The following PDK1 variants were observed in gnomAD, a reference collection of about 807,000 sequenced individuals.
PDK1 encodes the protein pyruvate dehydrogenase kinase 1.
A neutral mutation model predicts 54.2 loss-of-function variants in PDK1; 39 were observed. The observed-to-expected ratio is 0.72, with a 90% CI of 0.56 to 0.94. The LOEUF is 0.94. Ranked by LOEUF, PDK1 falls within the 40% of genes least tolerant of loss-of-function variation. The probability of loss-of-function intolerance (pLI) is 0.00; values close to 1 mark genes in which losing one functional copy is unlikely to be tolerated. For synonymous variants in PDK1, 221 were observed against 207.1 expected (o/e 1.07, Z -0.58); for missense variants, 552 against 566.0 (o/e 0.98, Z 0.25).
chr2:172,622,627 C>T, the PDK1 span, among the ~76,000 whole-genome samples: 2 of 139,860 alleles, frequency 1.4e-5, no homozygotes, highest in South Asian at 2.4e-4. Flanking sequence ...ATGTTTATCT[C>T]ATTATGTGAG....
At chr2:172,652,846 C>T in the PDK1 span, among the ~76,000 whole-genome samples, 1 of 152,178 alleles carries the variant, frequency 6.6e-6, no homozygotes, top group Non-Finnish European at 1.5e-5. Flanking sequence ...GAAGGACATT[C>T]CATGCTCATG....
At chr2:172,680,465 C>T in the PDK1 span, among the ~76,000 whole-genome samples, 12 of 152,264 alleles carry the variant, frequency 7.9e-5, 1 homozygote, top group East Asian at 1.9e-3. Context: ...GATCCTCCCA[C>T]CTCAGCCTTT....
intron 5 of PDK1, among the ~76,000 whole-genome samples, chr2:172,565,544 G>T (rs952479794): frequency 6.6e-6 from 1 of 151,936 alleles, no homozygotes; most frequent in African/African-American, 2.4e-5. Flanking sequence ...CTGCCTGCCT[G>T]CCTGCCTCGG....
the PDK1 span, among the ~76,000 whole-genome samples, chr2:172,630,770 C>T: frequency 4.6e-5 from 7 of 152,206 alleles, no homozygotes; most frequent in African/African-American, 1.7e-4. Context: ...GCTGGGACTA[C>T]AGGTGCATAC....
At chr2:172,641,784 G>A in the PDK1 span, among the ~76,000 whole-genome samples, 7 of 152,194 alleles carry the variant, frequency 4.6e-5, no homozygotes, top group East Asian at 1.9e-4. Context: ...ACAAAAAGGC[G>A]GAGGAAAAAT....
At chr2:172,701,271 G>A in the PDK1 span, among the ~76,000 whole-genome samples, 34 of 152,236 alleles carry the variant, frequency 2.2e-4, 1 homozygote, top group African/African-American at 7.9e-4. Context: ...GTGTGTCAAA[G>A]TCATCACAAA....
At position 172,593,009 on chromosome 2, in the gene PDK1, C is replaced by G. The variant is rs780655606; in HGVS notation, c.1131C>G (p.Ser377=). 2.5e-6 allele frequency: 4 copies of G among 1,608,376 alleles called. No individual in the cohort carries two copies. Among genetic ancestry groups the G allele is most frequent in the South Asian group, 1.1e-5 (1 of 90,948 alleles). Residue 377 remains serine (S), a synonymous_variant, in exon 10 of 11, where the codon TCC becomes TCG. Transcript: ENST00000282077. ...TCCAAGGAGACCTGAAGCTGTATTC[C>G]CTAGAGGGTTACGGGACAGATGCAG... ...QYFQGDLKLY[S]LEGYGTDAVI... is the part of the protein sequence containing the mutation.
At chr2:172,570,008 A>G (rs1437230580) in intron 7 of PDK1, among the ~76,000 whole-genome samples, 1 of 152,192 alleles carries the variant, frequency 6.6e-6, no homozygotes, top group Admixed American at 6.5e-5. Context: ...CTGGAACCTA[A>G]TCTTAACCTG....
At chr2:172,593,341 A>G (rs1318934425) in intron 10 of PDK1, among the ~76,000 whole-genome samples, 1 of 152,202 alleles carries the variant, frequency 6.6e-6, no homozygotes, top group African/African-American at 2.4e-5. Context: ...AAACACATGA[A>G]TGGACATTGA....
intron 9 of PDK1, among the ~76,000 whole-genome samples, chr2:172,588,766 C>T (rs1164133858): frequency 6.6e-6 from 1 of 152,224 alleles, no homozygotes; most frequent in Non-Finnish European, 1.5e-5. Flanking sequence ...GGGCTTCCTC[C>T]CTGTGGATAC....
intron 10 of PDK1, among the ~76,000 whole-genome samples, chr2:172,594,360 G>C (rs35665064): frequency 6.6e-6 from 1 of 151,958 alleles, no homozygotes; most frequent in Non-Finnish European, 1.5e-5. Context: ...GTAACATTTT[G>C]ATCTAGCCCA....
chr2:172,572,467 G>T (rs1689334618), intron 8 of PDK1, among the ~76,000 whole-genome samples: 1 of 152,146 alleles, frequency 6.6e-6, no homozygotes, highest in African/African-American at 2.4e-5. Context: ...GCTCATGCCT[G>T]TAATCCCAGC....
chr2:172,652,533 C>G, the PDK1 span, among the ~76,000 whole-genome samples: 1 of 152,202 alleles, frequency 6.6e-6, no homozygotes, highest in Non-Finnish European at 1.5e-5. Flanking sequence ...CAAATTGTCC[C>G]TGTTTGCAGA....
chr2:172,679,437 ACT>A, the PDK1 span, among the ~76,000 whole-genome samples: 1 of 152,038 alleles, frequency 6.6e-6, no homozygotes, highest in Non-Finnish European at 1.5e-5. Flanking sequence ...ACAGGGCAAG[ACT>A]CTGTCTCTTA....
At chr2:172,652,022 G>T in the PDK1 span, among the ~76,000 whole-genome samples, 9 of 152,124 alleles carry the variant, frequency 5.9e-5, no homozygotes, top group Admixed American at 4.6e-4. Context: ...CAAAAAAAGA[G>T]AATTTTAGAC....
chr2:172,702,280 C>T, the PDK1 span, among the ~76,000 whole-genome samples: 2 of 152,084 alleles, frequency 1.3e-5, no homozygotes, highest in African/African-American at 4.8e-5. Context: ...AATTCAAGAC[C>T]AGCCTGGCCA....
chr2:172,568,719 A>G, intron 6 of PDK1, 22 bp from the exon 7 acceptor site: 1 of 1,477,300 alleles, frequency 6.8e-7, no homozygotes, highest in African/African-American at 1.4e-5. Context: ...GTACTTTCAT[A>G]TTTTTCTCTT....
At chr2:172,650,932 A>G in the PDK1 span, among the ~76,000 whole-genome samples, 2 of 152,234 alleles carry the variant, frequency 1.3e-5, no homozygotes, top group Admixed American at 1.3e-4. Context: ...TGAGACAGAA[A>G]GTTACAAGGA....
At chr2:172,699,944 A>G in the PDK1 span, among the ~76,000 whole-genome samples, 1 of 152,004 alleles carries the variant, frequency 6.6e-6, no homozygotes, top group Non-Finnish European at 1.5e-5. Context: ...CTCAGATTAG[A>G]GAGTGGTGAT....
Sources: allele counts gnomAD v4.1 joint callset (sites outside exome capture counted in the v4.1 genomes callset), GRCh38; gene constraint gnomAD v4.1.1; transcripts MANE v1.5; gene names NCBI Gene and HGNC (gene_info 2026-07-23, HGNC 2026-07-21).